The following MAN2A1 variants were observed in gnomAD, a reference collection of about 807,000 sequenced individuals.
MAN2A1 encodes mannosidase alpha class 2A member 1, also known as alpha-mannosidase 2.
A neutral mutation model predicts 142.6 loss-of-function variants in MAN2A1; 76 were observed. That is an observed-to-expected ratio of 0.53 (90% CI 0.44 to 0.65). The LOEUF is 0.65. MAN2A1 is among the 30% of genes least tolerant of loss of function. MAN2A1 has a pLI of 0.00. For missense variants in MAN2A1, 1,311 were observed against 1,365.1 expected (o/e 0.96, Z 0.62); for synonymous variants, 559 against 473.2 (o/e 1.18, Z -2.35).
chr5:109,690,284 C>A lies in MAN2A1; in HGVS notation c.-134C>A. 2 of 883,562 alleles carry A rather than the reference C, an allele frequency of 2.3e-6. No individual in the cohort carries two copies. Among genetic ancestry groups the A allele is most frequent in the Non-Finnish European group, 3.6e-6 (2 of 551,886 alleles). 54.7% of individuals were successfully genotyped at this position (883,562 alleles called of 1,614,324 possible). A position where few individuals can be genotyped will look rare whatever the true frequency, so the allele number is the denominator to read the frequency against. ...CTAGGTGCGGAGCAAGGCGGGGACT[C>A]GCACCCGCATCCGAGAGCGCGGAGG... On this transcript the variant is annotated 5_prime_UTR_variant, in exon 1 of 22. Coordinates refer to ENST00000261483, the MANE Select transcript of MAN2A1 (RefSeq NM_002372.4).
intron 4 of MAN2A1, among the ~76,000 whole-genome samples, chr5:109,731,115 G>C (rs1468853088): frequency 6.6e-6 from 1 of 151,882 alleles, no homozygotes; most frequent in Non-Finnish European, 1.5e-5. Flanking sequence ...ACATGTTTAT[G>C]GGGTACATCT....
chr5:109,712,885 A>C (rs1278368939), intron 1 of MAN2A1, among the ~76,000 whole-genome samples: 2 of 152,184 alleles, frequency 1.3e-5, no homozygotes, highest in East Asian at 3.8e-4. Flanking sequence ...TTGTATAACG[A>C]GGTTTATGTT....
intron 7 of MAN2A1, among the ~76,000 whole-genome samples, chr5:109,771,723 G>C (rs558511300): frequency 6.6e-6 from 1 of 152,102 alleles, no homozygotes; most frequent in Non-Finnish European, 1.5e-5. Context: ...TTGAGTGTGG[G>C]GGCACCCTGG....
At position 109,819,949 on chromosome 5, in the gene MAN2A1, G is replaced by A. The variant is rs1754579246; in HGVS notation, c.2328+62G>A. On this transcript the variant is annotated intron_variant, in intron 14 of 21. Transcript: ENST00000261483. ...TATCATTTTTGCTACAATGTGTGTA[G>A]ATTAATTAGGCAAAAGGGGAAAAAA... 4.2e-6 allele frequency: 5 copies of A among 1,187,892 alleles called. No homozygotes were observed. In the African/African-American group the frequency reaches 6.1e-5, roughly 15 times the overall value. The allele number at this position is 1,187,892 out of a possible 1,614,324, so 73.6% of individuals were successfully genotyped here. A position where few individuals can be genotyped will look rare whatever the true frequency, so the allele number is the denominator to read the frequency against.
At position 109,719,071 on chromosome 5, in the gene MAN2A1, A is replaced by AT. The variant is rs1751533568; in HGVS notation, c.535+2812dup. Among the ~76,000 whole-genome samples the AT allele has an allele frequency of 2.0e-5, 3 of 149,484 alleles. No homozygotes were observed. The South Asian group carries it at 6.3e-4, about 31-fold the overall frequency. ...TCTTTGAGGGCAGGGATTGCCCTCG[A>AT]TTTTTAGATTTTTTGTTTGTTTGTT... On this transcript the variant is annotated intron_variant, in intron 3 of 21. Coordinates refer to ENST00000261483, the MANE Select transcript of MAN2A1 (RefSeq NM_002372.4).
chr5:109,714,895 G>A (rs1170973639), intron 2 of MAN2A1, among the ~76,000 whole-genome samples: 1 of 151,952 alleles, frequency 6.6e-6, no homozygotes, highest in African/African-American at 2.4e-5. Flanking sequence ...GTGCTTACAG[G>A]GATAGCTGTT....
chr5:109,733,596 C>G (rs1291452591), intron 4 of MAN2A1, among the ~76,000 whole-genome samples: 1 of 152,058 alleles, frequency 6.6e-6, no homozygotes, highest in Admixed American at 6.6e-5. Context: ...TGTCAAAGGC[C>G]TTTTCTGCAT....
At chr5:109,713,817 T>TTG (rs1561474084) in intron 2 of MAN2A1, 43 bp downstream of exon 2, 40 of 1,558,172 alleles carry the variant, frequency 2.6e-5, no homozygotes, top group Non-Finnish European at 3.0e-5. Flanking sequence ...TTTTTTTTTT[T>TTG]TTGTTCTTTT....
intron 4 of MAN2A1, among the ~76,000 whole-genome samples, chr5:109,752,533 G>T (rs1752575344): frequency 6.6e-6 from 1 of 152,102 alleles, no homozygotes; most frequent in Non-Finnish European, 1.5e-5. Flanking sequence ...GGGAAAGAGT[G>T]GAGATCTGAC....
chr5:109,847,438 GAAAC>G (rs1462471750), intron 18 of MAN2A1, among the ~76,000 whole-genome samples: 1 of 152,112 alleles, frequency 6.6e-6, no homozygotes, highest in Non-Finnish European at 1.5e-5. Flanking sequence ...CATTACTAAA[GAAAC>G]ACAGAAATAC....
chr5:109,690,305 G>T lies in MAN2A1; in HGVS notation c.-113G>T. On this transcript the variant is annotated 5_prime_UTR_variant, in exon 1 of 22. Coordinates refer to ENST00000261483, the MANE Select transcript of MAN2A1 (RefSeq NM_002372.4). ...GACTCGCACCCGCATCCGAGAGCGC[G>T]GAGGTCGCGCAGCCCGGGAGAAGGG... The T allele has an allele frequency of 8.9e-7, 1 of 1,125,800 alleles. No homozygotes were observed. The highest frequency in any genetic ancestry group is 1.3e-5 in the South Asian group (1 of 76,386). The allele number at this position is 1,125,800 out of a possible 1,614,324, so 69.7% of individuals were successfully genotyped here. A position where few individuals can be genotyped will look rare whatever the true frequency, so the allele number is the denominator to read the frequency against.
chr5:109,796,926 G>A, intron 12 of MAN2A1, among the ~76,000 whole-genome samples: 1 of 152,190 alleles, frequency 6.6e-6, no homozygotes, highest in Non-Finnish European at 1.5e-5. Context: ...TGGTAGACTA[G>A]CAGCTCCATG....
At chr5:109,733,560 T>A (rs6889401) in intron 4 of MAN2A1, among the ~76,000 whole-genome samples, 15,633 of 152,148 alleles carry the variant, frequency 0.1, 1,119 homozygotes, top group African/African-American at 0.21. Flanking sequence ...TATTGAGAGT[T>A]TTTAGCATGA....
At chr5:109,840,228 T>G (rs1755165222) in intron 16 of MAN2A1, 1 of 250,114 alleles carries the variant, frequency 4.0e-6, no homozygotes. Context: ...TTGACTTCTA[T>G]AGGTCCTTGC....
chr5:109,789,456 A>G lies in MAN2A1; in HGVS notation c.1876-4A>G, dbSNP rs562978524. On this transcript the variant is annotated splice_polypyrimidine_tract_variant and splice_region_variant and intron_variant, in intron 11 of 21. Transcript: ENST00000261483. ...AATTAAAAAATTACTGTTCATTTTT[A>G]TAGGATTTGAAACAAAAATCACAAG... The G allele has an allele frequency of 1.1e-5, 17 of 1,551,936 alleles. No homozygotes were observed. The South Asian group carries it at 1.9e-4, about 17-fold the overall frequency.
At chr5:109,861,985 A>G (rs900270354) in intron 20 of MAN2A1, among the ~76,000 whole-genome samples, 1 of 152,122 alleles carries the variant, frequency 6.6e-6, no homozygotes, top group African/African-American at 2.4e-5. Flanking sequence ...ATACAAACTT[A>G]TATATCACCT....
chr5:109,740,585 A>G (rs1752239574), intron 4 of MAN2A1, among the ~76,000 whole-genome samples: 1 of 152,166 alleles, frequency 6.6e-6, no homozygotes, highest in Non-Finnish European at 1.5e-5. Context: ...GTCACAGTGC[A>G]TGGGCAGAGA....
At chr5:109,706,366 A>C (rs1045925030) in intron 1 of MAN2A1, among the ~76,000 whole-genome samples, 1 of 152,224 alleles carries the variant, frequency 6.6e-6, no homozygotes, top group Non-Finnish European at 1.5e-5. Flanking sequence ...TACTTTTACT[A>C]TGTAGCAGCA....
At chr5:109,794,029 A>T (rs1394880940) in intron 12 of MAN2A1, 3 of 152,198 alleles carry the variant, frequency 2.0e-5, no homozygotes, top group Non-Finnish European at 4.4e-5. Flanking sequence ...CTTAGAAAAT[A>T]TCTAATATCT....
Sources: gnomAD v4.1 joint callset for allele counts (sites outside exome capture counted in the v4.1 genomes callset) on GRCh38, gnomAD v4.1.1 for gene constraint, MANE v1.5 for transcripts, NCBI Gene and HGNC (gene_info 2026-07-23, HGNC 2026-07-21) for gene names.